The following SPAG17 variants were observed in gnomAD, a reference collection of about 807,000 sequenced individuals.
SPAG17 encodes the protein sperm-associated antigen 17.
A neutral mutation model predicts 273.6 loss-of-function variants in SPAG17; 169 were observed. The ratio of observed to expected loss-of-function variants is 0.62; its 90% CI spans 0.55 to 0.70. The LOEUF (loss-of-function observed/expected upper bound fraction) is 0.70, where lower values mean the gene tolerates loss of function less well. Among genes scored for constraint, SPAG17 ranks in the 30% least tolerant of loss-of-function variants. SPAG17 has a pLI of 0.00. For missense variants in SPAG17, 2,557 were observed against 2,627.8 expected, an observed-to-expected ratio of 0.97 and a Z score of 0.59; for synonymous variants, 825 against 873.2, an observed-to-expected ratio of 0.94 and a Z score of 0.97.
intron 32 of SPAG17, among the ~76,000 whole-genome samples, chr1:118,001,612 G>A (rs1658292305): frequency 1.3e-5 from 2 of 152,124 alleles, no homozygotes; most frequent in Non-Finnish European, 1.5e-5. Flanking sequence ...TTGCATAGAG[G>A]TGTTTATAGT....
intron 15 of SPAG17, 89 bp from the exon 16 acceptor site, chr1:118,074,689 A>G: frequency 1.7e-6 from 2 of 1,202,970 alleles, no homozygotes; most frequent in Non-Finnish European, 2.4e-6. Context: ...TGCCCATATG[A>G]TCTATGTTTC....
chr1:117,956,117 A>G (rs780907569), intron 48 of SPAG17, among the ~76,000 whole-genome samples: 15 of 152,066 alleles, frequency 9.9e-5, no homozygotes, highest in Non-Finnish European at 1.0e-4. Context: ...TTTGTTGACC[A>G]TTTGTATTTT....
intron 29 of SPAG17, among the ~76,000 whole-genome samples, chr1:118,015,335 C>A (rs1216169735): frequency 6.6e-6 from 1 of 150,852 alleles, no homozygotes; most frequent in African/African-American, 2.4e-5. Context: ...AGGAGTTTTG[C>A]TTTCATATAA....
chr1:117,959,113 C>A, intron 48 of SPAG17: 1 of 1,289,236 alleles, frequency 7.8e-7, no homozygotes, highest in Non-Finnish European at 1.1e-6. Context: ...CCGATAAATC[C>A]ATATTTGAGA....
intron 13 of SPAG17, 142 bp from the exon 14 acceptor site, chr1:118,081,784 T>C (rs1180378927): frequency 1.0e-5 from 7 of 669,046 alleles, no homozygotes; most frequent in Admixed American, 8.5e-5. Flanking sequence ...ATTTTAAACA[T>C]TGGCTCCCCA....
chr1:117,954,639 G>A (rs1288763104), intron 48 of SPAG17: 2 of 1,610,340 alleles, frequency 1.2e-6, no homozygotes, highest in Middle Eastern at 1.6e-4. Flanking sequence ...TGAGTAAAAT[G>A]TCTAACGGTT....
chr1:117,983,471 T>C (rs1656060792), intron 42 of SPAG17, among the ~76,000 whole-genome samples: 1 of 152,226 alleles, frequency 6.6e-6, no homozygotes, highest in South Asian at 2.1e-4. Context: ...AATGTCTCCA[T>C]TGTAAAGATA....
At chr1:117,976,167 G>A (rs1655114379) in intron 43 of SPAG17, among the ~76,000 whole-genome samples, 1 of 152,182 alleles carries the variant, frequency 6.6e-6, no homozygotes, top group Admixed American at 6.5e-5. Context: ...AAAACATGCA[G>A]ATGATTATTC....
chr1:118,151,173 T>G, intron 2 of SPAG17, 56 bp downstream of exon 2: 1 of 1,382,090 alleles, frequency 7.2e-7, no homozygotes, highest in Non-Finnish European at 9.6e-7. Context: ...AATTCTATTC[T>G]ATTATTTTAA....
Position 118,134,779 on chromosome 1 carries a change from C to G in SPAG17, c.315+15764G>C, listed in dbSNP as rs138351197. Among the ~76,000 whole-genome samples the G allele has an allele frequency of 2.0e-5, 3 of 152,166 alleles. No individual in the cohort carries two copies. In the South Asian group the frequency reaches 6.2e-4, roughly 32 times the overall value. On this transcript the variant is annotated intron_variant, in intron 3 of 48. Coordinates refer to ENST00000336338, the MANE Select transcript of SPAG17 (RefSeq NM_206996.4). ...TCCCTCCTTATACACATCAGAGATA[C>G]CATCTAGAGTTCCTTGGTCATACCT...
rs1203654327 is a variant in SPAG17, at chr1:117,967,653, A to G, written c.6388-900T>C. ...GAGATAAAATTAGTTTAAATGCCCA[A>G]CTGCTTAGTTTGAAAACCCGTGGAA... is the stretch of plus-strand genomic sequence containing the variant. On this transcript the variant is annotated intron_variant, in intron 46 of 48. Coordinates refer to ENST00000336338, the MANE Select transcript of SPAG17 (RefSeq NM_206996.4). Among the ~76,000 whole-genome samples the G allele has an allele frequency of 4.6e-5, 7 of 151,432 alleles. No individual in the cohort carries two copies. The East Asian group carries it at 9.8e-4, about 21-fold the overall frequency.
chr1:118,041,092 C>T (rs1009293282), intron 21 of SPAG17, among the ~76,000 whole-genome samples: 1 of 152,136 alleles, frequency 6.6e-6, no homozygotes, highest in Non-Finnish European at 1.5e-5. Flanking sequence ...AAAACTGAAT[C>T]ATCATACTGT....
intron 18 of SPAG17, among the ~76,000 whole-genome samples, chr1:118,059,946 G>A (rs1249695032): frequency 1.3e-5 from 2 of 151,918 alleles, no homozygotes; most frequent in Non-Finnish European, 2.9e-5. Context: ...ATAAACTATT[G>A]CCATTTATTT....
intron 29 of SPAG17, among the ~76,000 whole-genome samples, chr1:118,013,402 A>G (rs1324395472): frequency 6.6e-6 from 1 of 152,132 alleles, no homozygotes; most frequent in Non-Finnish European, 1.5e-5. Flanking sequence ...TTAGGTTCTT[A>G]TCATTGGTGC....
intron 24 of SPAG17, 120 bp from the exon 25 acceptor site, chr1:118,031,987 A>G (rs1571293135): frequency 1.3e-6 from 1 of 745,914 alleles, no homozygotes; most frequent in Non-Finnish European, 2.1e-6. Flanking sequence ...CTTGCTAAAT[A>G]TGATTTATCA....
At chr1:117,955,381 T>C in intron 48 of SPAG17, 1 of 1,608,896 alleles carries the variant, frequency 6.2e-7, no homozygotes, top group Non-Finnish European at 8.5e-7. Flanking sequence ...TTGCGCACAA[T>C]TTTTGTAATC....
intron 20 of SPAG17, among the ~76,000 whole-genome samples, chr1:118,045,790 G>A (rs1262140724): frequency 6.6e-6 from 1 of 152,136 alleles, no homozygotes; most frequent in African/African-American, 2.4e-5. Flanking sequence ...TGCTAACTCT[G>A]GGTAGTTAGT....
chr1:118,022,396 A>G (rs572252072), intron 28 of SPAG17, among the ~76,000 whole-genome samples: 1 of 150,582 alleles, frequency 6.6e-6, no homozygotes, highest in South Asian at 2.1e-4. Context: ...TGGTAAACCA[A>G]GAAAAGACAT....
intron 24 of SPAG17, 42 bp downstream of exon 24, chr1:118,036,728 G>A (rs1371166894): frequency 7.3e-7 from 1 of 1,364,902 alleles, no homozygotes; most frequent in East Asian, 2.5e-5. Context: ...AGGGACCCTT[G>A]GCTGTGGGGC....
Sources: allele counts gnomAD v4.1 joint callset (sites outside exome capture counted in the v4.1 genomes callset), GRCh38; gene constraint gnomAD v4.1.1; transcripts MANE v1.5; gene names NCBI Gene and HGNC (gene_info 2026-07-23, HGNC 2026-07-21).